Variants in AHI1 observed in about 807,000 individuals in gnomAD.
AHI1 encodes the protein jouberin.
A neutral mutation model predicts 149.3 loss-of-function variants in AHI1; 123 were observed. The observed-to-expected ratio is 0.82, with a 90% confidence interval of 0.71 to 0.96. The LOEUF (loss-of-function observed/expected upper bound fraction) is 0.96, where lower values mean the gene tolerates loss of function less well. Among genes scored for constraint, AHI1 ranks in the 40% least tolerant of loss-of-function variants. The pLI is 0.00. For missense variants in AHI1, 1,439 were observed against 1,422.7 expected (o/e 1.01, Z -0.18); for synonymous variants, 475 against 459.8 (o/e 1.03, Z -0.42).
intron 26 of AHI1, among the ~76,000 whole-genome samples, chr6:135,315,057 T>C (rs577469954): frequency 1.8e-4 from 28 of 152,316 alleles, no homozygotes; most frequent in African/African-American, 6.5e-4. Flanking sequence ...GAAGCCAAAG[T>C]TGAGACCTTT....
At position 135,429,879 on chromosome 6, in the gene AHI1, T is replaced by G; in HGVS notation, c.2492+3A>C. The G allele has an allele frequency of 6.7e-7, 1 of 1,493,788 alleles. No individual in the cohort carries two copies. Among genetic ancestry groups the G allele is most frequent in the Middle Eastern group, 1.7e-4 (1 of 5,824 alleles). 92.5% of individuals were successfully genotyped at this position (1,493,788 alleles called of 1,614,324 possible). On this transcript the variant is annotated splice_donor_region_variant and intron_variant, in intron 18 of 28. Transcript: ENST00000265602. ...TATCCTGTCAACACTGAAATATACT[T>G]ACATCCGGAGATCCATAATTCTCAA... is the stretch of plus-strand genomic sequence containing the variant.
At chr6:135,355,046 T>G (rs1003246447) in intron 24 of AHI1, among the ~76,000 whole-genome samples, 1 of 152,144 alleles carries the variant, frequency 6.6e-6, no homozygotes, top group African/African-American at 2.4e-5. Flanking sequence ...GAGAAAAGGT[T>G]AAGTTCAAGT....
chr6:135,370,540 C>T (rs1490109351), intron 23 of AHI1, among the ~76,000 whole-genome samples: 1 of 152,178 alleles, frequency 6.6e-6, no homozygotes, highest in Non-Finnish European at 1.5e-5. Context: ...TTATAGAAGG[C>T]TTGCTCCTCT....
At chr6:135,318,955 T>C (rs533554826) in intron 25 of AHI1, among the ~76,000 whole-genome samples, 2 of 152,334 alleles carry the variant, frequency 1.3e-5, no homozygotes, top group Admixed American at 6.5e-5. Flanking sequence ...CTAGGAACTG[T>C]TGGAGAACAT....
intron 22 of AHI1, among the ~76,000 whole-genome samples, chr6:135,399,150 C>A (rs1242874690): frequency 6.6e-6 from 1 of 152,212 alleles, no homozygotes; most frequent in African/African-American, 2.4e-5. Flanking sequence ...TGCTACTGCA[C>A]TCAGCTTGGG....
chr6:135,487,666 T>G (rs986135212), intron 5 of AHI1, among the ~76,000 whole-genome samples: 8 of 152,214 alleles, frequency 5.3e-5, no homozygotes, highest in African/African-American at 1.9e-4. Flanking sequence ...ATTTATCTTT[T>G]ATGTTGGGAA....
rs1374817475 is a variant in AHI1 at position 135,340,674 on chromosome 6, T to TACACATACATAC, written c.3166-17351_3166-17350insGTATGTATGTGT. Among the ~76,000 whole-genome samples, 114 of 132,758 alleles carry TACACATACATAC rather than the reference T, an allele frequency of 8.6e-4. 1 individual carries two copies. Among genetic ancestry groups the TACACATACATAC allele is most frequent in the African/African-American group, 3.1e-3 (109 of 34,906 alleles). 87.1% of individuals were successfully genotyped at this position (132,758 alleles called of 152,430 possible). A position where few individuals can be genotyped will look rare whatever the true frequency, so the allele number is the denominator to read the frequency against. ...ACATACATACATATATATATATATA[T>TACACATACATAC]ATATATATATATATATATATATGTT... is the stretch of plus-strand genomic sequence containing the variant. On this transcript the variant is annotated intron_variant, in intron 24 of 28. Transcript: ENST00000265602.
intron 3 of AHI1, among the ~76,000 whole-genome samples, chr6:135,493,420 G>C (rs993234811): frequency 1.3e-5 from 2 of 152,196 alleles, no homozygotes; most frequent in Admixed American, 6.5e-5. Context: ...AACTATGTCA[G>C]TTAACTTAGG....
At chr6:135,357,184 G>A (rs1274936466) in intron 24 of AHI1, among the ~76,000 whole-genome samples, 6 of 152,140 alleles carry the variant, frequency 3.9e-5, no homozygotes, top group East Asian at 3.8e-4. Context: ...TGATCTGCCC[G>A]CCTTGGCCTC....
intron 20 of AHI1, among the ~76,000 whole-genome samples, chr6:135,419,674 T>A (rs76941994): frequency 0.014 from 2,196 of 152,264 alleles, 49 homozygotes; most frequent in African/African-American, 0.05. Flanking sequence ...ATCTTTTTGC[T>A]GATGGAAGGT....
Position 135,285,495 on chromosome 6 carries a change from T to G in AHI1, c.*150A>C. On this transcript the variant is annotated 3_prime_UTR_variant, in exon 29 of 29. Transcript: ENST00000265602. ...TTTTCCACCCACAACTTGATTCTGA[T>G]TTTTCTAGAGTCATTCATAAGAACA... The G allele has an allele frequency of 2.4e-6, 2 of 834,818 alleles. No individual in the cohort carries two copies. The highest frequency in any genetic ancestry group is 3.8e-6 in the Non-Finnish European group (2 of 519,734). 51.7% of individuals were successfully genotyped at this position (834,818 alleles called of 1,614,324 possible).
intron 23 of AHI1, among the ~76,000 whole-genome samples, chr6:135,388,509 A>C (rs888387932): frequency 6.6e-6 from 1 of 152,244 alleles, no homozygotes; most frequent in East Asian, 1.9e-4. Flanking sequence ...AGAATATCAC[A>C]GAATCTCTGG....
Position 135,404,947 on chromosome 6 carries a change from T to C in AHI1, c.2988+4A>G. 1.2e-6 allele frequency: 2 copies of C among 1,608,126 alleles called. No homozygotes were observed. Among genetic ancestry groups the C allele is most frequent in the Non-Finnish European group, 1.7e-6 (2 of 1,175,116 alleles). ...TTATCTTCCTGGTAATAAAAACTAC[T>C]TACTTTTGCAGCACAGGAACGTATC... On this transcript the variant is annotated splice_donor_region_variant and intron_variant, in intron 22 of 28. Coordinates refer to ENST00000265602, the MANE Select transcript of AHI1 (RefSeq NM_001134831.2).
At chr6:135,475,277 T>C (rs1405672911) in intron 5 of AHI1, among the ~76,000 whole-genome samples, 2 of 152,170 alleles carry the variant, frequency 1.3e-5, no homozygotes, top group African/African-American at 4.8e-5. Flanking sequence ...TATCGGCAAT[T>C]TGCGTCTTCT....
At chr6:135,347,767 C>T (rs1172740623) in intron 24 of AHI1, among the ~76,000 whole-genome samples, 2 of 152,150 alleles carry the variant, frequency 1.3e-5, no homozygotes, top group Non-Finnish European at 2.9e-5. Context: ...TTTTCTAAAT[C>T]AAATGCAGAT....
chr6:135,400,082 T>C (rs555588432), intron 22 of AHI1, among the ~76,000 whole-genome samples: 1 of 152,192 alleles, frequency 6.6e-6, no homozygotes, highest in African/African-American at 2.4e-5. Flanking sequence ...TCAGTGTCTG[T>C]TGTTTCCTTT....
chr6:135,325,543 G>C (rs1041054738), intron 24 of AHI1, among the ~76,000 whole-genome samples: 1 of 152,186 alleles, frequency 6.6e-6, no homozygotes, highest in African/African-American at 2.4e-5. Flanking sequence ...AACTTGGTCA[G>C]GCCATGTATC....
chr6:135,405,880 A>AAAAAAGAAAAAGAAAAAG (rs925330685), intron 21 of AHI1, among the ~76,000 whole-genome samples: 1 of 150,868 alleles, frequency 6.6e-6, no homozygotes, highest in Non-Finnish European at 1.5e-5. Context: ...AAAAAGAAAA[A>AAAAAAGAAAAAGAAAAAG]AAAAAGAAAA....
At chr6:135,303,366 C>G (rs1314712944) in intron 26 of AHI1, among the ~76,000 whole-genome samples, 3 of 152,104 alleles carry the variant, frequency 2.0e-5, no homozygotes, top group African/African-American at 7.2e-5. Context: ...TTACATGCGG[C>G]TTATATACCT....
Sources: allele counts gnomAD v4.1 joint callset (sites outside exome capture counted in the v4.1 genomes callset), GRCh38; gene constraint gnomAD v4.1.1; transcripts MANE v1.5; gene names NCBI Gene and HGNC (gene_info 2026-07-23, HGNC 2026-07-21).